The following UBXN7 variants were observed in gnomAD, a reference collection of about 807,000 sequenced individuals.
UBXN7 encodes UBX domain protein 7, also known as UBX domain-containing protein 7.
Under a neutral mutation model 58.0 loss-of-function variants are expected in UBXN7, and 9 were observed. The ratio of observed to expected loss-of-function variants is 0.16; its 90% CI spans 0.09 to 0.27. The LOEUF (loss-of-function observed/expected upper bound fraction) is 0.27. Ranked by LOEUF, UBXN7 falls within the 10% of genes least tolerant of loss-of-function variation. The probability of loss-of-function intolerance (pLI) is 1.00; values close to 1 mark genes in which losing one functional copy is unlikely to be tolerated. For missense variants in UBXN7, 328 were observed against 599.6 expected (o/e 0.55, Z 4.73); for synonymous variants, 208 against 205.0 (o/e 1.01, Z -0.12).
intron 5 of UBXN7, among the ~76,000 whole-genome samples, chr3:196,383,551 A>G (rs1729279844): frequency 6.6e-6 from 1 of 152,228 alleles, no homozygotes; most frequent in Non-Finnish European, 1.5e-5. Flanking sequence ...AGTTGGAAGT[A>G]AAGCACTCCT....
intron 3 of UBXN7, among the ~76,000 whole-genome samples, chr3:196,396,915 C>T (rs752137638): frequency 5.3e-5 from 8 of 152,308 alleles, no homozygotes; most frequent in Non-Finnish European, 1.0e-4. Flanking sequence ...CATCACCTTT[C>T]CAACCTCCCC....
At chr3:196,368,984 G>A (rs1343461926) in intron 7 of UBXN7, among the ~76,000 whole-genome samples, 2 of 152,054 alleles carry the variant, frequency 1.3e-5, no homozygotes, top group Admixed American at 6.6e-5. Flanking sequence ...CACCATGCCC[G>A]GCTAATTTTT....
rs1330908121 is a variant in UBXN7, at chr3:196,353,305, G to C, written c.*3380C>G. ...TGGGAAGAAAGTATACATTTTGTAC[G>C]ATTCTTCGGGAGATTGAAGAGGCAA... On this transcript the variant is annotated 3_prime_UTR_variant, in exon 11 of 11. Coordinates refer to ENST00000296328, the MANE Select transcript of UBXN7 (RefSeq NM_015562.2). 2.0e-5 allele frequency: 3 copies of C among 152,132 alleles called. No individual in the cohort carries two copies. Among genetic ancestry groups the C allele is most frequent in the African/African-American group, 7.2e-5 (3 of 41,422 alleles). The allele number at this position is 152,132 out of a possible 1,614,324, so 9.4% of individuals were successfully genotyped here.
At chr3:196,356,937 C>A in intron 10 of UBXN7, 91 bp from the exon 11 acceptor site, 1 of 1,424,016 alleles carries the variant, frequency 7.0e-7, no homozygotes, top group South Asian at 1.3e-5. Flanking sequence ...TCTTTTTAAT[C>A]ATATTAGATC....
intron 2 of UBXN7, among the ~76,000 whole-genome samples, chr3:196,403,641 A>G (rs1730061400): frequency 6.6e-6 from 1 of 152,242 alleles, no homozygotes; most frequent in South Asian, 2.1e-4. Context: ...AGAAATGAAC[A>G]GAAAAATATA....
intron 3 of UBXN7, among the ~76,000 whole-genome samples, chr3:196,399,163 T>C (rs1226175140): frequency 6.6e-6 from 1 of 152,226 alleles, no homozygotes; most frequent in East Asian, 1.9e-4. Flanking sequence ...TCATAGTACT[T>C]CATTATGCCA....
chr3:196,386,239 C>G (rs897405460), intron 5 of UBXN7, among the ~76,000 whole-genome samples: 1 of 151,890 alleles, frequency 6.6e-6, no homozygotes, highest in Non-Finnish European at 1.5e-5. Context: ...ACAAACACTG[C>G]GGAAGGCAGC....
chr3:196,377,680 CTTTT>C (rs1286097710), intron 5 of UBXN7, among the ~76,000 whole-genome samples: 2 of 150,924 alleles, frequency 1.3e-5, no homozygotes, highest in Non-Finnish European at 3.0e-5. Flanking sequence ...CTTTTTTTTT[CTTTT>C]GAGACAGGGT....
chr3:196,372,276 C>T (rs1728855517), intron 5 of UBXN7, among the ~76,000 whole-genome samples: 1 of 148,064 alleles, frequency 6.8e-6, no homozygotes, highest in African/African-American at 2.5e-5. Context: ...TCTCTTTTAT[C>T]CAGTTATTTG....
intron 1 of UBXN7, among the ~76,000 whole-genome samples, chr3:196,413,891 C>T (rs577333443): frequency 6.6e-6 from 1 of 152,140 alleles, no homozygotes; most frequent in African/African-American, 2.4e-5. Context: ...GCACCTAATA[C>T]AATGTAAATG....
chr3:196,402,501 C>T (rs1057162636), intron 3 of UBXN7, among the ~76,000 whole-genome samples: 1 of 152,072 alleles, frequency 6.6e-6, no homozygotes, highest in African/African-American at 2.4e-5. Context: ...ATTAAATGTC[C>T]CATTCTCTAT....
At chr3:196,401,274 AATAT>A (rs780788392) in intron 3 of UBXN7, among the ~76,000 whole-genome samples, 413 of 36,666 alleles carry the variant, frequency 0.011, 2 homozygotes, top group Middle Eastern at 0.05. Flanking sequence ...AAAAAAAAAA[AATAT>A]ATATATATAT....
At chr3:196,401,314 CACACACATAT>C (rs1421096365) in intron 3 of UBXN7, among the ~76,000 whole-genome samples, 16 of 111,828 alleles carry the variant, frequency 1.4e-4, no homozygotes, top group African/African-American at 5.6e-4. Context: ...CACACACACA[CACACACATAT>C]ATATATATAC....
At chr3:196,363,893 A>T (rs1728582139) in intron 8 of UBXN7, among the ~76,000 whole-genome samples, 2 of 151,908 alleles carry the variant, frequency 1.3e-5, no homozygotes, top group Admixed American at 1.3e-4. Flanking sequence ...ACTGCACCCC[A>T]GCCTGGTGAC....
chr3:196,416,073 G>A (rs531222331), intron 1 of UBXN7: 1 of 152,342 alleles, frequency 6.6e-6, no homozygotes, highest in South Asian at 2.1e-4. Context: ...TGATGGTGAA[G>A]TGAAACTCAC....
intron 5 of UBXN7, among the ~76,000 whole-genome samples, chr3:196,382,014 T>G (rs560593084): frequency 1.3e-5 from 2 of 152,176 alleles, no homozygotes; most frequent in Non-Finnish European, 2.9e-5. Context: ...CTACGTTTGA[T>G]TGGTGTACCT....
At chr3:196,432,055 G>C (rs1279030364) in intron 1 of UBXN7, 11 of 585,836 alleles carry the variant, frequency 1.9e-5, no homozygotes, top group Non-Finnish European at 3.4e-5. Flanking sequence ...GGACGGACTC[G>C]GCCCATTCCC....
At chr3:196,424,035 G>A (rs1184752995) in intron 1 of UBXN7, among the ~76,000 whole-genome samples, 2 of 151,576 alleles carry the variant, frequency 1.3e-5, no homozygotes, top group Admixed American at 6.6e-5. Context: ...GATTACAGGT[G>A]CCCACCACCA....
At chr3:196,356,935 A>G in intron 10 of UBXN7, 89 bp from the exon 11 acceptor site, 1 of 1,428,572 alleles carries the variant, frequency 7.0e-7, no homozygotes, top group South Asian at 1.3e-5. Context: ...TCTCTTTTTA[A>G]TCATATTAGA....
Sources: gnomAD v4.1 joint callset for allele counts (sites outside exome capture counted in the v4.1 genomes callset) on GRCh38, gnomAD v4.1.1 for gene constraint, MANE v1.5 for transcripts, NCBI Gene and HGNC (gene_info 2026-07-23, HGNC 2026-07-21) for gene names.